SFXN5: variants seen among roughly 807,000 people sequenced by gnomAD.
The protein encoded by SFXN5 is sideroflexin-5.
A neutral mutation model predicts 50.2 loss-of-function variants in SFXN5; 43 were observed. The observed-to-expected ratio is 0.86, with a 90% CI of 0.67 to 1.11. SFXN5 has a LOEUF of 1.11. Among genes scored for constraint, SFXN5 ranks in the 50% least tolerant of loss-of-function variants. The pLI is 0.00. For synonymous variants in SFXN5, 203 were observed against 185.8 expected (o/e 1.09, Z -0.75); for missense variants, 463 against 454.1 (o/e 1.02, Z -0.18).
chr2:73,033,545 T>C (rs992090166), intron 3 of SFXN5, among the ~76,000 whole-genome samples: 1 of 151,856 alleles, frequency 6.6e-6, no homozygotes, highest in Non-Finnish European at 1.5e-5. Context: ...AGAGAATGAG[T>C]CATGCAGCTA....
intron 9 of SFXN5, chr2:72,998,683 C>A: frequency 2.0e-6 from 1 of 489,996 alleles, no homozygotes. Context: ...AACCGCAGCC[C>A]CACTCAAGAC....
At chr2:73,018,323 T>C (rs1559160915) in intron 6 of SFXN5, among the ~76,000 whole-genome samples, 1 of 151,700 alleles carries the variant, frequency 6.6e-6, no homozygotes, top group Non-Finnish European at 1.5e-5. Flanking sequence ...TATCCTGTTG[T>C]GTCAGAGAGT....
At position 73,000,269 on chromosome 2, in the gene SFXN5, C is replaced by T. The variant is rs184163731; in HGVS notation, c.468+162G>A. Among the ~76,000 whole-genome samples, 47 of 152,212 alleles carry T rather than the reference C, an allele frequency of 3.1e-4. 1 individual carries two copies. Among genetic ancestry groups the T allele is most frequent in the Non-Finnish European group, 6.0e-4 (41 of 68,014 alleles). ...GACCTCAGCTGAGTCATGTCTGAGTCGGCCACCCACCTGAAGGGCTGGCAT... is the reference window on the plus strand; with the variant it reads ...GACCTCAGCTGAGTCATGTCTGAGTTGGCCACCCACCTGAAGGGCTGGCAT... On this transcript the variant is annotated intron_variant, in intron 8 of 13. Transcript: ENST00000272433.
At chr2:73,027,676 T>C (rs944652831) in intron 3 of SFXN5, among the ~76,000 whole-genome samples, 3 of 152,156 alleles carry the variant, frequency 2.0e-5, no homozygotes, top group Admixed American at 6.5e-5. Flanking sequence ...TTTTTTCTTT[T>C]TTTAGACAGG....
intron 3 of SFXN5, among the ~76,000 whole-genome samples, chr2:73,034,515 G>A (rs116421316): frequency 0.042 from 6,406 of 152,248 alleles, 439 homozygotes; most frequent in African/African-American, 0.15. Context: ...TAGGCAGGTC[G>A]CAGACAGAAA....
chr2:72,954,595 G>T (rs1672876576), intron 13 of SFXN5, among the ~76,000 whole-genome samples: 1 of 152,146 alleles, frequency 6.6e-6, no homozygotes, highest in Non-Finnish European at 1.5e-5. Context: ...CCTCTCCCCT[G>T]CCCGCAGCCC....
intron 12 of SFXN5, among the ~76,000 whole-genome samples, chr2:72,964,147 A>G (rs1484799416): frequency 6.6e-6 from 1 of 152,202 alleles, no homozygotes; most frequent in Non-Finnish European, 1.5e-5. Context: ...GGTCCCAGCC[A>G]TGGCCGCCAC....
intron 6 of SFXN5, among the ~76,000 whole-genome samples, chr2:73,018,242 C>T (rs1574131268): frequency 7.9e-6 from 1 of 126,538 alleles, no homozygotes; most frequent in Admixed American, 8.1e-5. Context: ...GGAAGGAAAA[C>T]AGAAAAGGAA....
rs182305499 is a variant in SFXN5 at position 72,945,213 on chromosome 2, G to A, written c.946-114C>T. The A allele has an allele frequency of 2.7e-3, 2,529 of 935,180 alleles. 70 individuals are homozygous for A. The Admixed American group carries it at 0.05, about 18-fold the overall frequency. 57.9% of individuals were successfully genotyped at this position (935,180 alleles called of 1,614,324 possible). A position where few individuals can be genotyped will look rare whatever the true frequency, so the allele number is the denominator to read the frequency against. The stretch of plus-strand genomic sequence containing the variant: ...CCAGAGCTCTGCCCCCTGCACCCCC[G>A]TGTCCACCCCAGCCAGGGCTCACAT... On this transcript the variant is annotated intron_variant, in intron 13 of 13. Transcript: ENST00000272433. This position sits in a 1 kb window ranked among gnomAD's most constrained non-coding sequence, Gnocchi z 5.8.
At chr2:73,000,353 G>C (rs1202270885) in intron 8 of SFXN5, 78 bp downstream of exon 8, 1 of 1,362,626 alleles carries the variant, frequency 7.3e-7, no homozygotes, top group Non-Finnish European at 1.0e-6. Flanking sequence ...ACTGATGGTG[G>C]CATGTCACGC....
In SFXN5 at chr2:73,061,491, C is replaced by T. The variant is rs367601470; in HGVS notation, c.103-2895G>A. Among the ~76,000 whole-genome samples the T allele has an allele frequency of 2.0e-5, 3 of 152,128 alleles. No individual in the cohort carries two copies. The East Asian group carries it at 5.8e-4, about 29-fold the overall frequency. On this transcript the variant is annotated intron_variant, in intron 1 of 13. Transcript: ENST00000272433. ...GTCCTAATGATACCATGTATATTTG[C>T]TATCTTTTCAGACTTTATGATTACC...
chr2:73,046,607 G>A (rs1680359042), intron 2 of SFXN5, among the ~76,000 whole-genome samples: 1 of 151,942 alleles, frequency 6.6e-6, no homozygotes, highest in African/African-American at 2.4e-5. Context: ...AGCCTGGGAG[G>A]CTAAGGCTGC....
intron 3 of SFXN5, among the ~76,000 whole-genome samples, chr2:73,038,709 G>T (rs954658467): frequency 6.6e-6 from 1 of 152,024 alleles, no homozygotes; most frequent in East Asian, 1.9e-4. Context: ...TCAGATTTTT[G>T]ACTCTTTTGT....
chr2:73,044,281 T>G (rs951239996), intron 2 of SFXN5, among the ~76,000 whole-genome samples: 1 of 152,222 alleles, frequency 6.6e-6, no homozygotes, highest in African/African-American at 2.4e-5. Flanking sequence ...CAGACAAATC[T>G]GAGGGCCCAG....
At chr2:73,052,363 T>TGTGTGTGTGTATGC (rs1559208378) in intron 2 of SFXN5, among the ~76,000 whole-genome samples, 8 of 99,040 alleles carry the variant, frequency 8.1e-5, no homozygotes, top group African/African-American at 5.6e-4. Flanking sequence ...TGTATGCGTG[T>TGTGTGTGTGTATGC]GTGTGTGTGT....
chr2:72,970,387 C>T (rs574860128), intron 11 of SFXN5, among the ~76,000 whole-genome samples: 1 of 152,288 alleles, frequency 6.6e-6, no homozygotes, highest in East Asian at 1.9e-4. Flanking sequence ...GCATGACACC[C>T]CCAGCCCCTT....
chr2:73,026,068 C>T (rs115852173), intron 3 of SFXN5, among the ~76,000 whole-genome samples: 1 of 152,036 alleles, frequency 6.6e-6, no homozygotes, highest in African/African-American at 2.4e-5. Context: ...CGTGGACAGG[C>T]CATCAGCGCA....
Position 73,071,526 on chromosome 2 carries a change from G to A in SFXN5, c.102+78C>T. On this transcript the variant is annotated intron_variant, in intron 1 of 13. Transcript: ENST00000272433. Reference sequence around the variant, plus strand: ...GGCCGCGGGTGGGAGACCCTTGGGCGGAAGGGGACTTTGGAGGGGAGTTTG... The same window carrying A: ...GGCCGCGGGTGGGAGACCCTTGGGCAGAAGGGGACTTTGGAGGGGAGTTTG... 3.6e-6 allele frequency: 5 copies of A among 1,383,100 alleles called. No homozygotes were observed. The South Asian group carries it at 5.0e-5, about 14-fold the overall frequency. 85.7% of individuals were successfully genotyped at this position (1,383,100 alleles called of 1,614,324 possible).
rs557884378 is a variant in SFXN5 at position 72,950,560 on chromosome 2, T to A, written c.946-5461A>T. Reference sequence around the variant, plus strand: ...TAGGGGAGGCTGGGGCAGGAACCCCTGAGTTGCCTGCTCACCTATATGTGA... The same window carrying A: ...TAGGGGAGGCTGGGGCAGGAACCCCAGAGTTGCCTGCTCACCTATATGTGA... On this transcript the variant is annotated intron_variant, in intron 13 of 13. Coordinates refer to ENST00000272433, the MANE Select transcript of SFXN5 (RefSeq NM_144579.3). The surrounding 1 kb of genome is among the most constrained non-coding windows in gnomAD (Gnocchi z 4.2). 2.6e-5 allele frequency among the ~76,000 whole-genome samples: 4 copies of A among 152,174 alleles called. No homozygotes were observed. Among genetic ancestry groups the A allele is most frequent in the Non-Finnish European group, 5.9e-5 (4 of 68,018 alleles).
Sources: allele counts gnomAD v4.1 joint callset (sites outside exome capture counted in the v4.1 genomes callset), GRCh38; gene constraint gnomAD v4.1.1; non-coding constraint Gnocchi (gnomAD v3.1); transcripts MANE v1.5; gene names NCBI Gene and HGNC (gene_info 2026-07-23, HGNC 2026-07-21).